Variants in PAPPA observed in about 807,000 individuals in gnomAD.
PAPPA encodes the protein pappalysin 1.
A neutral mutation model predicts 164.0 loss-of-function variants in PAPPA; 60 were observed. That is an observed-to-expected ratio of 0.37 (90% CI 0.30 to 0.45). The LOEUF is 0.45. Ranked by LOEUF, PAPPA falls within the 20% of genes least tolerant of loss-of-function variation. PAPPA has a pLI of 1.00. For synonymous variants in PAPPA, 875 were observed against 814.1 expected (o/e 1.07, Z -1.27); for missense variants, 1,782 against 2,087.3 (o/e 0.85, Z 2.85).
chr9:116,273,231 C>A (rs1323868476), intron 9 of PAPPA, among the ~76,000 whole-genome samples: 11 of 152,266 alleles, frequency 7.2e-5, no homozygotes, highest in Admixed American at 2.6e-4. Flanking sequence ...TAGAGCTATG[C>A]AATGATCAGG....
chr9:116,396,644 C>T lies in PAPPA; in HGVS notation c.*28C>T, dbSNP rs372582569. On this transcript the variant is annotated 3_prime_UTR_variant, in exon 22 of 22. Transcript: ENST00000328252. ...AAGGACAAGAAGTTGTCAAAGAATT[C>T]CCAACGCCAGGACCCACATCCCTTT... 380 of 778,194 alleles carry T rather than the reference C, an allele frequency of 4.9e-4. No homozygotes were observed. Among genetic ancestry groups the T allele is most frequent in the Admixed American group, 1.0e-3 (61 of 58,706 alleles). 48.2% of individuals were successfully genotyped at this position (778,194 alleles called of 1,614,324 possible).
chr9:116,398,444 A>C lies in PAPPA; in HGVS notation c.*1828A>C. The C allele has an allele frequency of 1.9e-6, 1 of 523,108 alleles. No homozygotes were observed. Among genetic ancestry groups the C allele is most frequent in the Non-Finnish European group, 3.0e-6 (1 of 333,242 alleles). The allele number at this position is 523,108 out of a possible 1,614,324, so 32.4% of individuals were successfully genotyped here. ...GTGTGCAGCCCCACCTAATTCCTGCATCCAAGGCAGGTGTTGTTAATCTAT... is the reference window on the plus strand; with the variant it reads ...GTGTGCAGCCCCACCTAATTCCTGCCTCCAAGGCAGGTGTTGTTAATCTAT... On this transcript the variant is annotated 3_prime_UTR_variant, in exon 22 of 22. Coordinates refer to ENST00000328252, the MANE Select transcript of PAPPA (RefSeq NM_002581.5).
At chr9:116,199,465 A>G (rs1177664376) in intron 2 of PAPPA, among the ~76,000 whole-genome samples, 3 of 152,132 alleles carry the variant, frequency 2.0e-5, no homozygotes, top group Non-Finnish European at 2.9e-5. Context: ...TACTTCTTAT[A>G]TACATTCCTA....
intron 21 of PAPPA, among the ~76,000 whole-genome samples, chr9:116,385,834 A>G (rs1240332168): frequency 6.6e-6 from 1 of 152,264 alleles, no homozygotes; most frequent in African/African-American, 2.4e-5. Flanking sequence ...GGCTGTGGAC[A>G]GTATTTCTGC....
intron 21 of PAPPA, among the ~76,000 whole-genome samples, chr9:116,387,873 G>A (rs1846836658): frequency 6.6e-6 from 1 of 152,180 alleles, no homozygotes; most frequent in Admixed American, 6.5e-5. Flanking sequence ...CCTGCCCCTT[G>A]TGGGTGATAT....
chr9:116,301,941 A>AGTTCATGT (rs1249158507), intron 9 of PAPPA, among the ~76,000 whole-genome samples: 5 of 152,238 alleles, frequency 3.3e-5, no homozygotes, highest in Non-Finnish European at 7.3e-5. Context: ...CTTGTAAATC[A>AGTTCATGT]GTTCATGTTT....
chr9:116,333,371 G>A (rs1040835731), intron 12 of PAPPA, among the ~76,000 whole-genome samples: 5 of 152,084 alleles, frequency 3.3e-5, no homozygotes, highest in South Asian at 2.1e-4. Flanking sequence ...TCCTATTGTC[G>A]CTAAGAATTT....
rs1017971822 is a variant in PAPPA at position 116,207,719 on chromosome 9, C to T, written c.1624+118C>T. 16 of 691,854 alleles carry T rather than the reference C, an allele frequency of 2.3e-5. No individual in the cohort carries two copies. The South Asian group carries it at 2.8e-4, about 12-fold the overall frequency. The allele number at this position is 691,854 out of a possible 1,614,324, so 42.9% of individuals were successfully genotyped here. A position where few individuals can be genotyped will look rare whatever the true frequency, so the allele number is the denominator to read the frequency against. On this transcript the variant is annotated intron_variant, in intron 3 of 21. Transcript: ENST00000328252. The stretch of plus-strand genomic sequence containing the variant: ...GGTGGTAGTTGTGAGGGTGAACAAC[C>T]GATTTATTTATCACTTTTTAATTTA...
intron 9 of PAPPA, among the ~76,000 whole-genome samples, chr9:116,301,089 C>T (rs1250313452): frequency 6.6e-6 from 1 of 151,978 alleles, no homozygotes; most frequent in Non-Finnish European, 1.5e-5. Flanking sequence ...ATTCAGTGCC[C>T]TCTCCAGAGC....
chr9:116,286,149 T>G (rs775655746), intron 9 of PAPPA: 1 of 152,218 alleles, frequency 6.6e-6, no homozygotes, highest in Non-Finnish European at 1.5e-5. Context: ...TTTCACTAAG[T>G]AGAGACGGGC....
chr9:116,200,966 A>G (rs2118660774), intron 2 of PAPPA, among the ~76,000 whole-genome samples: 1 of 152,316 alleles, frequency 6.6e-6, no homozygotes, highest in African/African-American at 2.4e-5. Context: ...ATTATGTTAC[A>G]TGTCAGGCTT....
intron 3 of PAPPA, among the ~76,000 whole-genome samples, chr9:116,209,836 A>G (rs1276178883): frequency 6.6e-6 from 1 of 152,200 alleles, no homozygotes; most frequent in East Asian, 1.9e-4. Flanking sequence ...AGAGCTCACC[A>G]GAGATGCAAA....
chr9:116,218,873 A>T (rs1377803876), intron 4 of PAPPA, among the ~76,000 whole-genome samples: 1 of 152,204 alleles, frequency 6.6e-6, no homozygotes, highest in African/African-American at 2.4e-5. Flanking sequence ...CTTCTGTACG[A>T]TAAGGAAAAT....
intron 4 of PAPPA, 128 bp downstream of exon 4, chr9:116,212,060 T>G (rs575745216): frequency 1.3e-6 from 1 of 770,178 alleles, no homozygotes; most frequent in African/African-American, 1.7e-5. Flanking sequence ...CTGCCACTTA[T>G]CCACCTAATG....
intron 1 of PAPPA, among the ~76,000 whole-genome samples, chr9:116,162,566 T>C (rs983206667): frequency 6.6e-6 from 1 of 152,188 alleles, no homozygotes; most frequent in Non-Finnish European, 1.5e-5. Context: ...TGTGTGACCT[T>C]GGGCAAGTTA....
At chr9:116,161,983 C>T (rs917552729) in intron 1 of PAPPA, among the ~76,000 whole-genome samples, 2 of 152,162 alleles carry the variant, frequency 1.3e-5, no homozygotes, top group Admixed American at 1.3e-4. Flanking sequence ...GGGACTCCCC[C>T]AAGGTCGCAC....
chr9:116,300,415 C>A (rs1845566593), intron 9 of PAPPA, among the ~76,000 whole-genome samples: 1 of 152,054 alleles, frequency 6.6e-6, no homozygotes, highest in Admixed American at 6.6e-5. Context: ...GTAGCTGGGA[C>A]TACAGATGTG....
chr9:116,188,190 T>G lies in PAPPA; in HGVS notation c.1452T>G (p.Thr484=). ...CDPEITNVTQ[T]CFDPDSPHRA... ...CTGAAATCACCAATGTCACTCAGAC[T>G]TGCTTTGACCCCGACTCTCCACACA... The change falls in exon 2 of 22, where the codon ACT becomes ACG. Residue 484 remains threonine (T), a synonymous_variant. Coordinates refer to ENST00000328252, the MANE Select transcript of PAPPA (RefSeq NM_002581.5). The G allele has an allele frequency of 6.2e-7, 1 of 1,612,134 alleles. No individual in the cohort carries two copies. The highest frequency in any genetic ancestry group is 8.5e-7 in the Non-Finnish European group (1 of 1,178,446).
At chr9:116,312,653 T>A (rs894284243) in intron 10 of PAPPA, among the ~76,000 whole-genome samples, 1 of 152,186 alleles carries the variant, frequency 6.6e-6, no homozygotes, top group African/African-American at 2.4e-5. Context: ...TTTGTTTTTG[T>A]TTGTCTTTCA....
Sources: allele counts gnomAD v4.1 joint callset (sites outside exome capture counted in the v4.1 genomes callset), GRCh38; gene constraint gnomAD v4.1.1; transcripts MANE v1.5; gene names NCBI Gene and HGNC (gene_info 2026-07-23, HGNC 2026-07-21).